PPP1R18: variants seen among roughly 807,000 people sequenced by gnomAD.
The protein encoded by PPP1R18 is phostensin.
In PPP1R18, 31 loss-of-function variants were observed where a neutral mutation model predicts 54.8. The ratio of observed to expected loss-of-function variants is 0.57; its 90% CI spans 0.43 to 0.76. The LOEUF is 0.76. Ranked by LOEUF, PPP1R18 falls within the 30% of genes least tolerant of loss-of-function variation. The probability of loss-of-function intolerance (pLI) is 0.00; values close to 1 mark genes in which losing one functional copy is unlikely to be tolerated. For synonymous variants in PPP1R18, 310 were observed against 320.2 expected, an observed-to-expected ratio of 0.97 and a Z score of 0.34; for missense variants, 685 against 776.1, an observed-to-expected ratio of 0.88 and a Z score of 1.39.
Position 30,685,994 on chromosome 6 carries a change from G to A in PPP1R18, c.25C>T (p.Leu9=), listed in dbSNP as rs1470656860. The part of the protein sequence containing the change: MATIPDWK[L]QLLARRRQEE... The stretch of plus-strand genomic sequence containing the variant: ...TGCCGGCGCCGGGCTAGCAGCTGTA[G>A]CTTCCAGTCTGGGATGGTGGCCATG... The change falls in exon 1 of 3, where the codon CTA becomes TTA. Residue 9 remains leucine (L), a synonymous_variant. Coordinates refer to ENST00000274853, the MANE Select transcript of PPP1R18 (RefSeq NM_133471.4). The surrounding 1 kb of genome is among the most constrained non-coding windows in gnomAD (Gnocchi z 5.0). 1 of 1,585,006 alleles carries A rather than the reference G, an allele frequency of 6.3e-7. No homozygotes were observed. The highest frequency in any genetic ancestry group is 8.5e-7 in the Non-Finnish European group (1 of 1,171,246).
At position 30,685,708 on chromosome 6, in the gene PPP1R18, C is replaced by T; in HGVS notation, c.311G>A (p.Arg104Gln). ...ERQQQQQQQQ[R>Q]SEELLAERKP... ...TCTCTCTGCTAGCAGCTCTTCACTC[C>T]GTTGTTGTTGCTGCTGCTGCTGCTG... Residue 104 changes from arginine to glutamine, a missense_variant, in exon 1 of 3, where the codon CGG (arginine) becomes CAG (glutamine). Transcript: ENST00000274853. The surrounding 1 kb of genome is among the most constrained non-coding windows in gnomAD (Gnocchi z 5.0). The T allele has an allele frequency of 6.2e-7, 1 of 1,613,082 alleles. No homozygotes were observed. Among genetic ancestry groups the T allele is most frequent in the Non-Finnish European group, 8.5e-7 (1 of 1,180,042 alleles).
chr6:30,685,715 G>T lies in PPP1R18; in HGVS notation c.304C>A (p.Gln102Lys). The T allele has an allele frequency of 6.2e-7, 1 of 1,613,036 alleles. No individual in the cohort carries two copies. The highest frequency in any genetic ancestry group is 8.5e-7 in the Non-Finnish European group (1 of 1,179,986). Residue 102 changes from glutamine to lysine, a missense_variant, in exon 1 of 3, where the codon CAA becomes AAA. Gln to Lys is a moderately conservative substitution (Grantham distance 53). Coordinates refer to ENST00000274853, the MANE Select transcript of PPP1R18 (RefSeq NM_133471.4). The surrounding 1 kb of genome is among the most constrained non-coding windows in gnomAD (Gnocchi z 5.0). ...GCTAGCAGCTCTTCACTCCGTTGTTGTTGCTGCTGCTGCTGCTGCCGCTCC... is the reference window on the plus strand; with the variant it reads ...GCTAGCAGCTCTTCACTCCGTTGTTTTTGCTGCTGCTGCTGCTGCCGCTCC... ...RQERQQQQQQ[Q>K]QRSEELLAER...
At chr6:30,687,237 G>A (rs1771036065), upstream of PPP1R18, 1 of 153,940 alleles carries the variant, frequency 6.5e-6, no homozygotes, top group South Asian at 2.0e-4. The surrounding 1 kb of genome is among the most constrained non-coding windows in gnomAD (Gnocchi z 7.9). Context: ...GGGAGAGGAG[G>A]AGGGAAAGAG....
upstream of PPP1R18, chr6:30,687,145 G>A (rs1771027302): frequency 6.5e-6 from 1 of 153,732 alleles, no homozygotes; most frequent in Non-Finnish European, 1.4e-5. This position sits in a 1 kb window ranked among gnomAD's most constrained non-coding sequence, Gnocchi z 7.9. Flanking sequence ...AGGGGGTGCG[G>A]AGGAGCCGGG....
chr6:30,679,204 C>T lies in PPP1R18; in HGVS notation c.1797G>A (p.Gly599=), dbSNP rs749031507. 1.6e-5 allele frequency: 25 copies of T among 1,588,876 alleles called. No homozygotes were observed. The South Asian group carries it at 2.8e-4, about 18-fold the overall frequency. The part of the protein sequence containing the change: ...LLLLQPELQG[G]LRTKALIVDE... ...CCACAATCAGGGCCTTGGTGCGCAG[C>T]CCGCCCTGGAGCTCTGGCTGCAGCA... Residue 599 remains glycine (G), a synonymous_variant, in exon 2 of 3, where the codon GGG becomes GGA. Coordinates refer to ENST00000274853, the MANE Select transcript of PPP1R18 (RefSeq NM_133471.4).
chr6:30,686,117 G>C lies in PPP1R18; in HGVS notation c.-99C>G. On this transcript the variant is annotated 5_prime_UTR_variant, in exon 1 of 3. Coordinates refer to ENST00000274853, the MANE Select transcript of PPP1R18 (RefSeq NM_133471.4). ...CCCGGGGGTGAGACTGAGGGTGGGA[G>C]GAGAGGAAGTGGAGGGGGAGAGGTG... The C allele has an allele frequency of 2.3e-6, 3 of 1,294,700 alleles. No homozygotes were observed. Among genetic ancestry groups the C allele is most frequent in the Non-Finnish European group, 3.2e-6 (3 of 947,702 alleles). 80.2% of individuals were successfully genotyped at this position (1,294,700 alleles called of 1,614,324 possible). A position where few individuals can be genotyped will look rare whatever the true frequency, so the allele number is the denominator to read the frequency against.
Position 30,684,576 on chromosome 6 carries a change from G to T in PPP1R18, c.1443C>A (p.Pro481=), listed in dbSNP as rs1770747288. 1 of 1,607,756 alleles carries T rather than the reference G, an allele frequency of 6.2e-7. No individual in the cohort carries two copies. The highest frequency in any genetic ancestry group is 2.2e-5 in the East Asian group (1 of 44,776). ...TFTVNPRRSV[P]PATPATPTSP... ...AGGTTGGGGTGGCTGGGGTCGCAGG[G>T]GGCACAGACCGCCGGGGGTTGACGG... Residue 481 remains proline (P), a synonymous_variant, in exon 1 of 3, where the codon CCC becomes CCA. Transcript: ENST00000274853. The surrounding 1 kb of genome is among the most constrained non-coding windows in gnomAD (Gnocchi z 6.0).
intron 2 of PPP1R18, among the ~76,000 whole-genome samples, chr6:30,678,657 C>G (rs1379607079): frequency 6.6e-6 from 1 of 152,186 alleles, no homozygotes. Flanking sequence ...GGATCACAGG[C>G]GTGAGCCACC....
At position 30,686,513 on chromosome 6, in the gene PPP1R18, C is replaced by G. The variant is rs1770952786; in HGVS notation, c.-495G>C. ...GAAGGACCAGGAATCCCTGAAAGGA[C>G]CAGGAGGCAACGGGACCTGAGGGGG... On this transcript the variant is annotated 5_prime_UTR_variant, in exon 1 of 3. Transcript: ENST00000274853. 1 of 160,814 alleles carries G rather than the reference C, an allele frequency of 6.2e-6. No individual in the cohort carries two copies. Among genetic ancestry groups the G allele is most frequent in the Non-Finnish European group, 1.4e-5 (1 of 73,954 alleles). The allele number at this position is 160,814 out of a possible 1,614,324, so 10.0% of individuals were successfully genotyped here.
Position 30,685,837 on chromosome 6 carries a change from A to G in PPP1R18, c.182T>C (p.Val61Ala). The change falls in exon 1 of 3, where the codon GTG (valine) becomes GCG (alanine). Residue 61 changes from valine (V) to alanine (A), a missense_variant. Physicochemically the swap from Val to Ala is moderately conservative, Grantham distance 64 (BLOSUM62 0). Coordinates refer to ENST00000274853, the MANE Select transcript of PPP1R18 (RefSeq NM_133471.4). The surrounding 1 kb of genome is among the most constrained non-coding windows in gnomAD (Gnocchi z 5.0). ...AGGTCCAGCCTCTACAGTCCCTAGC[A>G]CAGGGCTAGGCTCCCCAGGGGACAG... is the stretch of plus-strand genomic sequence containing the variant. ...LGLSPGEPSP[V>A]LGTVEAGPPD... The G allele has an allele frequency of 6.2e-7, 1 of 1,612,824 alleles. No homozygotes were observed. The highest frequency in any genetic ancestry group is 8.5e-7 in the Non-Finnish European group (1 of 1,180,022).
intron 1 of PPP1R18, among the ~76,000 whole-genome samples, 159 bp from the exon 2 acceptor site, chr6:30,679,548 T>C (rs997714744): frequency 1.3e-5 from 2 of 151,796 alleles, no homozygotes; most frequent in African/African-American, 2.4e-5. Flanking sequence ...GGTGCCCCAC[T>C]CACTCTCCCC....
At position 30,686,220 on chromosome 6, in the gene PPP1R18, A is replaced by C. The variant is rs1305446162; in HGVS notation, c.-202T>G. 3.7e-6 allele frequency: 2 copies of C among 543,426 alleles called. No individual in the cohort carries two copies. Among genetic ancestry groups the C allele is most frequent in the Non-Finnish European group, 6.4e-6 (2 of 314,442 alleles). 33.7% of individuals were successfully genotyped at this position (543,426 alleles called of 1,614,324 possible). On this transcript the variant is annotated 5_prime_UTR_variant, in exon 1 of 3. Transcript: ENST00000274853. ...AGGCAGAGAACTGGGGAAATGGAAA[A>C]AGTGAAGAGAAGTTGTGAGCCCAAG...
upstream of PPP1R18, chr6:30,688,380 G>T: frequency 1.9e-6 from 1 of 532,946 alleles, no homozygotes; most frequent in East Asian, 3.2e-5. This position sits in a 1 kb window ranked among gnomAD's most constrained non-coding sequence, Gnocchi z 5.9. Context: ...TCAGGAGGCT[G>T]TTGAGGGGGA....
Position 30,684,817 on chromosome 6 carries a change from G to T in PPP1R18, c.1202C>A (p.Ser401Tyr), listed in dbSNP as rs1408428270. Residue 401 changes from serine to tyrosine, a missense_variant, in exon 1 of 3, where the codon TCC (serine) becomes TAC (tyrosine). Ser to Tyr is a moderately radical substitution (Grantham distance 144). Transcript: ENST00000274853. The surrounding 1 kb of genome is among the most constrained non-coding windows in gnomAD (Gnocchi z 6.0). ...CCCAGCGTCCTCTGGTGGGAGGGGGGAGGGCACAGAGCAGCAGTTCTGCAG... is the reference window on the plus strand; with the variant it reads ...CCCAGCGTCCTCTGGTGGGAGGGGGTAGGGCACAGAGCAGCAGTTCTGCAG... ...RALQNCCSVP[S>Y]PLPPEDAGTG... 2 of 1,612,140 alleles carry T rather than the reference G, an allele frequency of 1.2e-6. No homozygotes were observed. Among genetic ancestry groups the T allele is most frequent in the Non-Finnish European group, 1.7e-6 (2 of 1,179,660 alleles).
At chr6:30,680,112 C>A (rs1446745896) in intron 1 of PPP1R18, among the ~76,000 whole-genome samples, 1 of 152,124 alleles carries the variant, frequency 6.6e-6, no homozygotes, top group Admixed American at 6.5e-5. Context: ...GGGGAGATGA[C>A]AAGGGCAGAA....
chr6:30,678,073 G>T (rs1230771287), intron 2 of PPP1R18, among the ~76,000 whole-genome samples: 1 of 151,904 alleles, frequency 6.6e-6, no homozygotes, highest in Non-Finnish European at 1.5e-5. Flanking sequence ...TCCATGCCTA[G>T]CTAATTTTTG....
Position 30,685,956 on chromosome 6 carries a change from G to A in PPP1R18, c.63C>T (p.Ser21=). The A allele has an allele frequency of 3.7e-6, 6 of 1,603,048 alleles. No individual in the cohort carries two copies. The highest frequency in any genetic ancestry group is 2.2e-5 in the East Asian group (1 of 44,854). ...LLARRRQEEA[S]VRGREKAERE... ...GTTCTGCTTTCTCTCGGCCTCGAACGGACGCCTCCTCCTGCCGGCGCCGGG... is the reference window on the plus strand; with the variant it reads ...GTTCTGCTTTCTCTCGGCCTCGAACAGACGCCTCCTCCTGCCGGCGCCGGG... Residue 21 remains serine, a synonymous_variant, in exon 1 of 3, where the codon TCC becomes TCT. Transcript: ENST00000274853. The surrounding 1 kb of genome is among the most constrained non-coding windows in gnomAD (Gnocchi z 5.0).
chr6:30,685,716 T>TTGC lies in PPP1R18; in HGVS notation c.300_302dup (p.Gln103dup), dbSNP rs57615862. 741 of 1,612,758 alleles carry TTGC rather than the reference T, an allele frequency of 4.6e-4. 2 individuals carry two copies. The highest frequency in any genetic ancestry group is 3.2e-3 in the African/African-American group (239 of 75,050). ...CTAGCAGCTCTTCACTCCGTTGTTG[T>TTGC]TGCTGCTGCTGCTGCTGCCGCTCCT... On this transcript the variant is annotated inframe_insertion, in exon 1 of 3. Transcript: ENST00000274853. The surrounding 1 kb of genome is among the most constrained non-coding windows in gnomAD (Gnocchi z 5.0).
Position 30,685,961 on chromosome 6 carries a change from C to T in PPP1R18, c.58G>A (p.Ala20Thr). The T allele has an allele frequency of 6.2e-7, 1 of 1,600,422 alleles. No homozygotes were observed. Among genetic ancestry groups the T allele is most frequent in the Non-Finnish European group, 8.5e-7 (1 of 1,177,784 alleles). Residue 20 changes from alanine (A) to threonine (T), a missense_variant, in exon 1 of 3, where the codon GCG becomes ACG. Physicochemically the swap from Ala to Thr is moderately conservative, Grantham distance 58. Transcript: ENST00000274853. The surrounding 1 kb of genome is among the most constrained non-coding windows in gnomAD (Gnocchi z 5.0). ...QLLARRRQEE[A>T]SVRGREKAER... ...GCTTTCTCTCGGCCTCGAACGGACG[C>T]CTCCTCCTGCCGGCGCCGGGCTAGC...
Sources: allele counts gnomAD v4.1 joint callset (sites outside exome capture counted in the v4.1 genomes callset), GRCh38; gene constraint gnomAD v4.1.1; non-coding constraint Gnocchi (gnomAD v3.1); transcripts MANE v1.5; gene names NCBI Gene and HGNC (gene_info 2026-07-23, HGNC 2026-07-21).